CDK19: variants seen among roughly 807,000 people sequenced by gnomAD.
CDK19 encodes the protein cyclin-dependent kinase 19.
A neutral mutation model predicts 68.3 loss-of-function variants in CDK19; 20 were observed. The observed-to-expected ratio is 0.29, with a 90% confidence interval of 0.21 to 0.43. The LOEUF is 0.43. Ranked by LOEUF, CDK19 falls within the 20% of genes least tolerant of loss-of-function variation. The pLI, the probability that CDK19 is intolerant of heterozygous loss-of-function variation, is 1.00. For synonymous variants in CDK19, 221 were observed against 222.8 expected, an observed-to-expected ratio of 0.99 and a Z score of 0.07; for missense variants, 339 against 623.5, an observed-to-expected ratio of 0.54 and a Z score of 4.86.
chr6:110,783,043 C>T (rs1315690407), intron 1 of CDK19, among the ~76,000 whole-genome samples: 3 of 152,130 alleles, frequency 2.0e-5, no homozygotes, highest in Non-Finnish European at 4.4e-5. Context: ...CTACAGTCTG[C>T]GGCCTACAGT....
chr6:110,655,378 A>T (rs1781245445), intron 4 of CDK19, among the ~76,000 whole-genome samples: 1 of 151,922 alleles, frequency 6.6e-6, no homozygotes. Flanking sequence ...AAAAAAAAAA[A>T]TAAATAAAAA....
intron 12 of CDK19, among the ~76,000 whole-genome samples, chr6:110,618,847 GCAA>G (rs746633279): frequency 3.9e-5 from 6 of 152,180 alleles, no homozygotes; most frequent in Admixed American, 1.3e-4. Flanking sequence ...GCTGTCTGTT[GCAA>G]CAACATGTTT....
At chr6:110,618,755 T>G (rs1778513906) in intron 12 of CDK19, among the ~76,000 whole-genome samples, 1 of 152,206 alleles carries the variant, frequency 6.6e-6, no homozygotes, top group Admixed American at 6.5e-5. Flanking sequence ...TGACCTCATT[T>G]GGCACATAGC....
chr6:110,795,025 A>G lies in CDK19; in HGVS notation c.128+19984T>C, dbSNP rs118130087. The stretch of plus-strand genomic sequence containing the variant: ...CAGTCTGTCGCCAAATCTTGAGTGC[A>G]GTGGTGCGATCACAGCTCACTGTAG... On this transcript the variant is annotated intron_variant, in intron 1 of 12. Coordinates refer to ENST00000368911, the MANE Select transcript of CDK19 (RefSeq NM_015076.5). Among the ~76,000 whole-genome samples the G allele has an allele frequency of 2.6e-3, 402 of 152,290 alleles. 8 individuals carry two copies. Among genetic ancestry groups the G allele is most frequent in the South Asian group, 0.022 (106 of 4,822 alleles).
chr6:110,748,131 T>C (rs1272051861), intron 1 of CDK19, among the ~76,000 whole-genome samples: 1 of 152,228 alleles, frequency 6.6e-6, no homozygotes, highest in Non-Finnish European at 1.5e-5. Flanking sequence ...TCAGTTCCCC[T>C]AGACAAAGTA....
chr6:110,788,435 G>C (rs192016147), intron 1 of CDK19, among the ~76,000 whole-genome samples: 1 of 152,204 alleles, frequency 6.6e-6, no homozygotes, highest in Non-Finnish European at 1.5e-5. Context: ...TGGGATTCTA[G>C]GCATGAGCCA....
At chr6:110,665,303 A>G (rs929773614) in intron 4 of CDK19, among the ~76,000 whole-genome samples, 1 of 152,200 alleles carries the variant, frequency 6.6e-6, no homozygotes, top group Non-Finnish European at 1.5e-5. Context: ...TATTTTAGAG[A>G]CAACACTGAA....
At chr6:110,794,095 G>T (rs1268771353) in intron 1 of CDK19, among the ~76,000 whole-genome samples, 1 of 152,096 alleles carries the variant, frequency 6.6e-6, no homozygotes, top group African/African-American at 2.4e-5. Flanking sequence ...ACCCAGGCTG[G>T]AGTGCAGTGG....
intron 12 of CDK19, among the ~76,000 whole-genome samples, chr6:110,617,856 C>CA (rs58620857): frequency 0.048 from 823 of 17,310 alleles, 167 homozygotes; most frequent in East Asian, 0.066. Flanking sequence ...GACTCTGTCT[C>CA]AAAAAAAAAA....
chr6:110,713,577 T>C (rs1381552972), intron 2 of CDK19, among the ~76,000 whole-genome samples: 1 of 152,160 alleles, frequency 6.6e-6, no homozygotes, highest in Non-Finnish European at 1.5e-5. Context: ...TTTCATTTTT[T>C]GTAGAGATGG....
intron 5 of CDK19, among the ~76,000 whole-genome samples, chr6:110,635,345 T>A (rs1562142533): frequency 6.6e-6 from 1 of 152,204 alleles, no homozygotes; most frequent in Non-Finnish European, 1.5e-5. Flanking sequence ...TAAACATTTG[T>A]AAAAGCAGAC....
intron 2 of CDK19, among the ~76,000 whole-genome samples, chr6:110,682,288 CTGAG>C (rs1772086532): frequency 6.6e-6 from 1 of 152,146 alleles, no homozygotes; most frequent in Admixed American, 6.5e-5. Flanking sequence ...TTAGAAAGCA[CTGAG>C]TATCATTTTT....
At chr6:110,744,975 G>T (rs3021297) in intron 2 of CDK19, among the ~76,000 whole-genome samples, 1 of 152,198 alleles carries the variant, frequency 6.6e-6, no homozygotes, top group African/African-American at 2.4e-5. Context: ...AAATTAGAGA[G>T]AGAAATCCCT....
chr6:110,738,383 G>A (rs929138414), intron 2 of CDK19, among the ~76,000 whole-genome samples: 3 of 151,842 alleles, frequency 2.0e-5, no homozygotes. Context: ...AGCCAGGGAT[G>A]GTGGCACATG....
chr6:110,681,353 C>CA (rs1562191921), intron 2 of CDK19, among the ~76,000 whole-genome samples: 1 of 152,064 alleles, frequency 6.6e-6, no homozygotes, highest in African/African-American at 2.4e-5. Flanking sequence ...CTCAAAAAAA[C>CA]AAAAAACAAA....
chr6:110,784,732 C>A (rs1220306020), intron 1 of CDK19, among the ~76,000 whole-genome samples: 17 of 152,076 alleles, frequency 1.1e-4, no homozygotes, highest in Admixed American at 1.1e-3. Context: ...TGGAAACAAT[C>A]AAATGTTCAT....
chr6:110,641,189 T>G lies in CDK19; in HGVS notation c.457-2483A>C, dbSNP rs9386928. Among the ~76,000 whole-genome samples the G allele has an allele frequency of 0.021, 3,238 of 152,112 alleles. 367 individuals are homozygous for G. The East Asian group carries it at 0.35, about 17-fold the overall frequency. On this transcript the variant is annotated intron_variant, in intron 4 of 12. Transcript: ENST00000368911. ...AAAAAAACTATTTATCAAAGGTCCA[T>G]TATGTAAAAAGTGTTGTACTTCAGG...
At chr6:110,627,186 G>C (rs768330904) in intron 6 of CDK19, 41 bp from the exon 7 acceptor site, 1 of 1,482,634 alleles carries the variant, frequency 6.7e-7, no homozygotes, top group Non-Finnish European at 9.3e-7. Context: ...ATATTTCCTT[G>C]GTTATAATTC....
At chr6:110,677,784 C>T (rs1401715988) in intron 2 of CDK19, among the ~76,000 whole-genome samples, 3 of 152,118 alleles carry the variant, frequency 2.0e-5, no homozygotes, top group South Asian at 4.1e-4. Context: ...TAACTGTTTG[C>T]ATCTCTCCCC....
Sources: gnomAD v4.1 joint callset for allele counts (sites outside exome capture counted in the v4.1 genomes callset) on GRCh38, gnomAD v4.1.1 for gene constraint, MANE v1.5 for transcripts, NCBI Gene and HGNC (gene_info 2026-07-23, HGNC 2026-07-21) for gene names.